BIN1: variants seen among roughly 807,000 people sequenced by gnomAD.
BIN1 encodes the protein myc box-dependent-interacting protein 1.
A neutral mutation model predicts 82.0 loss-of-function variants in BIN1; 53 were observed. That is an observed-to-expected ratio of 0.65 (90% confidence interval 0.52 to 0.81). BIN1 has a LOEUF of 0.81. Among genes scored for constraint, BIN1 ranks in the 40% least tolerant of loss-of-function variants. The pLI is 0.00. For synonymous variants in BIN1, 302 were observed against 328.0 expected (o/e 0.92, Z 0.86); for missense variants, 642 against 784.4 (o/e 0.82, Z 2.17).
At position 127,090,243 on chromosome 2, in the gene BIN1, A is replaced by C. The variant is rs1678746529; in HGVS notation, c.85-13537T>G. 6.6e-6 allele frequency among the ~76,000 whole-genome samples: 1 copy of C among 152,110 alleles called. No individual in the cohort carries two copies. On this transcript the variant is annotated intron_variant, in intron 1 of 18. Coordinates refer to ENST00000316724, the MANE Select transcript of BIN1 (RefSeq NM_139343.3). This position sits in a 1 kb window ranked among gnomAD's most constrained non-coding sequence, Gnocchi z 6.4. ...AAGAGGCCCCATGGAAATCAACCAA[A>C]CAGCTGAAGACAGTGGCCATCGCAG...
rs1681269012 is a variant in BIN1, at chr2:127,107,120, C to CAGCGAGCT, written c.-185_-178dup. The CAGCGAGCT allele has an allele frequency of 1.6e-6, 1 of 637,526 alleles. No individual in the cohort carries two copies. The highest frequency in any genetic ancestry group is 2.0e-5 in the African/African-American group (1 of 51,222). The allele number at this position is 637,526 out of a possible 1,614,324, so 39.5% of individuals were successfully genotyped here. ...GCGTGCGCCGGACGGGCGAGCGAGC[C>CAGCGAGCT]AGCGAGCTAGCCAGCGAGCGACGCG... On this transcript the variant is annotated 5_prime_UTR_variant, in exon 1 of 19. Transcript: ENST00000316724. This position sits in a 1 kb window ranked among gnomAD's most constrained non-coding sequence, Gnocchi z 5.9.
At position 127,066,166 on chromosome 2, in the gene BIN1, C is replaced by T. The variant is rs558390190; in HGVS notation, c.612+1997G>A. On this transcript the variant is annotated intron_variant, in intron 7 of 18. Coordinates refer to ENST00000316724, the MANE Select transcript of BIN1 (RefSeq NM_139343.3). ...AGCCCCGGAGTCCCAGCTGTGCCAT[C>T]TCACAGCCAGCCAGCTGCCCACAGG... is the stretch of plus-strand genomic sequence containing the variant. Among the ~76,000 whole-genome samples, 12 of 152,360 alleles carry T rather than the reference C, an allele frequency of 7.9e-5. 1 individual carries two copies. Among genetic ancestry groups the T allele is most frequent in the African/African-American group, 2.6e-4 (11 of 41,592 alleles).
rs558436971 is a variant in BIN1 at position 127,057,784 on chromosome 2, A to G, written c.1003-183T>C. Among the ~76,000 whole-genome samples the G allele has an allele frequency of 7.4e-5, 11 of 148,380 alleles. No individual in the cohort carries two copies. Among genetic ancestry groups the G allele is most frequent in the Admixed American group, 7.3e-4 (11 of 15,026 alleles). On this transcript the variant is annotated intron_variant, in intron 11 of 18. Coordinates refer to ENST00000316724, the MANE Select transcript of BIN1 (RefSeq NM_139343.3). The surrounding 1 kb of genome is among the most constrained non-coding windows in gnomAD (Gnocchi z 5.0). ...CTCCCAGCCCCCCAACATAGACACC[A>G]AGACCCCAGGCCACCCCCGAGAGGG...
Position 127,059,071 on chromosome 2 carries a change from G to A in BIN1, c.942C>T (p.His314=), listed in dbSNP as rs370911793. The A allele has an allele frequency of 7.4e-5, 118 of 1,587,096 alleles. No homozygotes were observed. The highest frequency in any genetic ancestry group is 2.1e-4 in the Admixed American group (12 of 55,850). Residue 314 remains histidine (H), a synonymous_variant, in exon 11 of 19, where the codon CAC becomes CAT. Transcript: ENST00000316724. The surrounding 1 kb of genome is among the most constrained non-coding windows in gnomAD (Gnocchi z 6.7). ...TGGCCCCGCCGGCCGGCTCTGGCTC[G>A]TGGTTGACTCTGATCTCGGGGGTGG... ...PAATPEIRVN[H]EPEPAGGATP... is the part of the protein sequence containing the mutation.
chr2:127,076,556 C>T (rs1209530694), intron 2 of BIN1, 70 bp downstream of exon 2: 2 of 1,562,248 alleles, frequency 1.3e-6, no homozygotes, highest in Middle Eastern at 1.7e-4. Flanking sequence ...ACAAATTCAG[C>T]TCGTGCCATT....
At position 127,051,030 on chromosome 2, in the gene BIN1, C is replaced by G. The variant is rs547367134; in HGVS notation, c.1462-118G>C. On this transcript the variant is annotated intron_variant, in intron 16 of 18. Coordinates refer to ENST00000316724, the MANE Select transcript of BIN1 (RefSeq NM_139343.3). ...TGTCTGCGCCTGGTGCCAGACCGGC[C>G]CGCCTCCAGCTTCCTCAACAGGAGC... The G allele has an allele frequency of 9.3e-6, 14 of 1,507,104 alleles. No individual in the cohort carries two copies. In the African/African-American group the frequency reaches 9.6e-5, roughly 10 times the overall value. 93.4% of individuals were successfully genotyped at this position (1,507,104 alleles called of 1,614,324 possible).
Position 127,107,067 on chromosome 2 carries a change from G to A in BIN1, c.-124C>T. 1 of 1,031,024 alleles carries A rather than the reference G, an allele frequency of 9.7e-7. No individual in the cohort carries two copies. The highest frequency in any genetic ancestry group is 2.6e-5 in the South Asian group (1 of 39,014). 63.9% of individuals were successfully genotyped at this position (1,031,024 alleles called of 1,614,324 possible). A position where few individuals can be genotyped will look rare whatever the true frequency, so the allele number is the denominator to read the frequency against. On this transcript the variant is annotated 5_prime_UTR_variant, in exon 1 of 19. Coordinates refer to ENST00000316724, the MANE Select transcript of BIN1 (RefSeq NM_139343.3). This position sits in a 1 kb window ranked among gnomAD's most constrained non-coding sequence, Gnocchi z 5.9. The stretch of plus-strand genomic sequence containing the variant: ...GGCTGCCGCTCCACGCCGCGCACCC[G>A]ACAGCGGAGCCAACTGACGGAGGCG...
chr2:127,051,013 C>T, intron 16 of BIN1, 101 bp from the exon 17 acceptor site: 1 of 1,504,252 alleles, frequency 6.6e-7, no homozygotes, highest in Non-Finnish European at 9.2e-7. Flanking sequence ...GGTGTCTGCG[C>T]CTGGTGCCAG....
intron 1 of BIN1, among the ~76,000 whole-genome samples, chr2:127,088,588 A>T (rs1002451013): frequency 2.0e-5 from 3 of 152,120 alleles, no homozygotes; most frequent in Non-Finnish European, 4.4e-5. Flanking sequence ...ATAGTTTTTA[A>T]TTAGCTGAGT....
At chr2:127,106,775 C>T (rs1297296225) in intron 1 of BIN1, 85 bp downstream of exon 1, 5 of 1,493,238 alleles carry the variant, frequency 3.3e-6, no homozygotes, top group Non-Finnish European at 4.5e-6. Flanking sequence ...AGGACCAGGC[C>T]CCGGGGTCGG....
At chr2:127,076,529 C>T (rs1442479073) in intron 2 of BIN1, 97 bp downstream of exon 2, 3 of 1,411,508 alleles carry the variant, frequency 2.1e-6, no homozygotes, top group Non-Finnish European at 3.0e-6. Context: ...TTACCCTCCT[C>T]CAAGCTCTCG....
At chr2:127,105,315 G>T (rs1479508750) in intron 1 of BIN1, among the ~76,000 whole-genome samples, 1 of 152,100 alleles carries the variant, frequency 6.6e-6, no homozygotes. Context: ...AAGGAAGCAG[G>T]CTCTGGCCCA....
intron 1 of BIN1, among the ~76,000 whole-genome samples, chr2:127,101,519 T>C (rs1160701742): frequency 1.3e-5 from 2 of 152,116 alleles, no homozygotes; most frequent in Admixed American, 6.5e-5. Flanking sequence ...ACTTGGTGGT[T>C]TCTTCACCAT....
intron 7 of BIN1, chr2:127,065,046 C>T (rs957768615): frequency 5.9e-5 from 9 of 152,330 alleles, no homozygotes; most frequent in African/African-American, 2.2e-4. Context: ...GGGCCGCCTT[C>T]TGGCAAAGGC....
In BIN1 at chr2:127,057,340, G is replaced by A; in HGVS notation, c.1131+133C>T. 1 of 1,220,262 alleles carries A rather than the reference G, an allele frequency of 8.2e-7. No individual in the cohort carries two copies. The highest frequency in any genetic ancestry group is 1.1e-6 in the Non-Finnish European group (1 of 913,700). 75.6% of individuals were successfully genotyped at this position (1,220,262 alleles called of 1,614,324 possible). A position where few individuals can be genotyped will look rare whatever the true frequency, so the allele number is the denominator to read the frequency against. ...GGATGATGGATGGAGGGAACAAAGG[G>A]TGAGAGAGGGAAACTGACACTCTCT... On this transcript the variant is annotated intron_variant, in intron 12 of 18. Transcript: ENST00000316724. The surrounding 1 kb of genome is among the most constrained non-coding windows in gnomAD (Gnocchi z 5.0).
At chr2:127,106,222 G>T (rs1406825993) in intron 1 of BIN1, among the ~76,000 whole-genome samples, 1 of 152,200 alleles carries the variant, frequency 6.6e-6, no homozygotes, top group Non-Finnish European at 1.5e-5. Context: ...CTCCTTGCGG[G>T]GTGCGTAGCC....
chr2:127,096,577 C>G (rs1010043619), intron 1 of BIN1, among the ~76,000 whole-genome samples: 21 of 152,228 alleles, frequency 1.4e-4, no homozygotes, highest in African/African-American at 5.1e-4. Context: ...TCCCCTTTCT[C>G]TCATTCGGTG....
intron 10 of BIN1, 113 bp downstream of exon 10, chr2:127,062,002 C>A (rs1468907697): frequency 2.4e-6 from 3 of 1,269,682 alleles, no homozygotes; most frequent in Middle Eastern, 2.2e-4. Flanking sequence ...GGTCCCTAGA[C>A]CCCCAAGGCC....
rs1679181831 is a variant in BIN1 at position 127,093,321 on chromosome 2, C to A, written c.84+13539G>T. 6.6e-6 allele frequency among the ~76,000 whole-genome samples: 1 copy of A among 152,216 alleles called. No individual in the cohort carries two copies. The highest frequency in any genetic ancestry group is 2.1e-4 in the South Asian group (1 of 4,834). On this transcript the variant is annotated intron_variant, in intron 1 of 18. Transcript: ENST00000316724. This position sits in a 1 kb window ranked among gnomAD's most constrained non-coding sequence, Gnocchi z 5.7. ...TGTCTCTCTCCCCTCTTTTTCCCTGCCCAGGTGAGTCATCAAAACTGGAAT... is the reference window on the plus strand; with the variant it reads ...TGTCTCTCTCCCCTCTTTTTCCCTGACCAGGTGAGTCATCAAAACTGGAAT...
Sources: allele counts gnomAD v4.1 joint callset (sites outside exome capture counted in the v4.1 genomes callset), GRCh38; gene constraint gnomAD v4.1.1; non-coding constraint Gnocchi (gnomAD v3.1); transcripts MANE v1.5; gene names NCBI Gene and HGNC (gene_info 2026-07-23, HGNC 2026-07-21).